The following GPLD1 variants were observed in gnomAD, a reference collection of about 807,000 sequenced individuals.
GPLD1 encodes the protein glycosylphosphatidylinositol specific phospholipase D1, also known as phosphatidylinositol-glycan-specific phospholipase D.
A neutral mutation model predicts 112.6 loss-of-function variants in GPLD1; 84 were observed. That is an observed-to-expected ratio of 0.75 (90% CI 0.63 to 0.89). The LOEUF (loss-of-function observed/expected upper bound fraction) is 0.89. GPLD1 is among the 40% of genes least tolerant of loss of function. The probability of loss-of-function intolerance (pLI) is 0.00; values close to 1 mark genes in which losing one functional copy is unlikely to be tolerated. For synonymous variants in GPLD1, 386 were observed against 403.8 expected (o/e 0.96, Z 0.53); for missense variants, 1,044 against 1,051.5 (o/e 0.99, Z 0.10).
Position 24,460,381 on chromosome 6 carries a change from A to G in GPLD1, c.906T>C (p.Asn302=), listed in dbSNP as rs765076204. 8 of 1,613,486 alleles carry G rather than the reference A, an allele frequency of 5.0e-6. No individual in the cohort carries two copies. Among genetic ancestry groups the G allele is most frequent in the Admixed American group, 1.7e-5 (1 of 59,908 alleles). Residue 302 remains asparagine (N), a synonymous_variant, in exon 12 of 25, where the codon AAT becomes AAC. Transcript: ENST00000230036. ...ATGTAGTCAAATTTCTGTGAAAATC[A>G]TTTTTCTGCATTTTTGAGCTGTTGA... The part of the protein sequence containing the change: ...NHTQGSKMQK[N]DFHRNLTTSL...
At chr6:24,443,674 T>C (rs2127326342) in intron 20 of GPLD1, among the ~76,000 whole-genome samples, 1 of 152,048 alleles carries the variant, frequency 6.6e-6, no homozygotes, top group East Asian at 1.9e-4. Flanking sequence ...CTTGTTTTTT[T>C]GTTTTTTTGT....
intron 2 of GPLD1, among the ~76,000 whole-genome samples, chr6:24,482,279 T>C (rs1764230711): frequency 7.8e-6 from 1 of 127,796 alleles, no homozygotes; most frequent in Non-Finnish European, 1.5e-5. Flanking sequence ...TTTTGTATTT[T>C]TTTTCTTTTT....
At chr6:24,449,411 G>A (rs7762901) in intron 15 of GPLD1, among the ~76,000 whole-genome samples, 33,861 of 152,070 alleles carry the variant, frequency 0.22, 3,950 homozygotes, top group Non-Finnish European at 0.25. Flanking sequence ...GGCAACAGGC[G>A]GGGATCCACC....
In GPLD1 at chr6:24,444,421, T is replaced by C. The variant is rs190751479; in HGVS notation, c.2020+1125A>G. 3.2e-4 allele frequency among the ~76,000 whole-genome samples: 48 copies of C among 152,190 alleles called. No homozygotes were observed. The East Asian group carries it at 9.3e-3, about 29-fold the overall frequency. On this transcript the variant is annotated intron_variant, in intron 20 of 24. Transcript: ENST00000230036. ...GGGGTGTTTTTTTTTTCCTTCTATA[T>C]ATTTCCTTGTATTTTCAGAAGTTTC...
intron 10 of GPLD1, 67 bp downstream of exon 10, chr6:24,466,613 A>T: frequency 7.6e-7 from 1 of 1,307,474 alleles, no homozygotes; most frequent in East Asian, 2.3e-5. Flanking sequence ...AAAACCTGAG[A>T]GTTATGTTGG....
intron 6 of GPLD1, 69 bp downstream of exon 6, chr6:24,473,550 G>A (rs557525619): frequency 2.1e-6 from 2 of 930,438 alleles, no homozygotes; most frequent in South Asian, 1.3e-5. Context: ...CATATTTAAA[G>A]CACAGTAGTG....
chr6:24,429,588 C>T (rs926965916), intron 24 of GPLD1, among the ~76,000 whole-genome samples: 2 of 152,164 alleles, frequency 1.3e-5, no homozygotes, highest in African/African-American at 4.8e-5. Flanking sequence ...TGCCCTGTCA[C>T]CCAGGCTGGA....
chr6:24,442,433 T>G (rs1202670315), intron 20 of GPLD1, among the ~76,000 whole-genome samples: 1 of 5,378 alleles, frequency 1.9e-4, no homozygotes, highest in Non-Finnish European at 7.8e-4. Context: ...TTTTTTTTTT[T>G]TTTTTTTTTT....
chr6:24,431,672 C>T (rs1371962952), intron 24 of GPLD1, among the ~76,000 whole-genome samples: 1 of 151,748 alleles, frequency 6.6e-6, no homozygotes, highest in Non-Finnish European at 1.5e-5. Flanking sequence ...ATAGCTGAGA[C>T]TATAGGCATG....
At chr6:24,473,560 G>T in intron 6 of GPLD1, 59 bp downstream of exon 6, 1 of 1,000,524 alleles carries the variant, frequency 1.0e-6, no homozygotes, top group Non-Finnish European at 1.6e-6. Context: ...GCACAGTAGT[G>T]ATGTCATTAT....
Position 24,460,407 on chromosome 6 carries a change from A to T in GPLD1, c.888-8T>A, listed in dbSNP as rs919239546. 1.9e-6 allele frequency: 3 copies of T among 1,613,234 alleles called. No individual in the cohort carries two copies. The African/African-American group carries it at 4.0e-5, about 22-fold the overall frequency. On this transcript the variant is annotated splice_polypyrimidine_tract_variant and splice_region_variant and intron_variant, in intron 11 of 24. Transcript: ENST00000230036. ...TTTTTCTGCATTTTTGAGCTGTTGA[A>T]GAGAAAGAGGAATAAACTGGTTACG...
At chr6:24,479,277 A>G (rs1005004228) in intron 3 of GPLD1, among the ~76,000 whole-genome samples, 1 of 152,134 alleles carries the variant, frequency 6.6e-6, no homozygotes. Context: ...AGTCTGTAAG[A>G]GAGAGAGTGT....
chr6:24,459,447 G>A (rs1763366786), intron 12 of GPLD1, among the ~76,000 whole-genome samples: 1 of 122,758 alleles, frequency 8.1e-6, no homozygotes, highest in Non-Finnish European at 1.9e-5. Context: ...TGTAGAGACA[G>A]GGTCTCATTA....
chr6:24,440,172 C>T (rs1762700807), intron 20 of GPLD1, among the ~76,000 whole-genome samples: 1 of 149,798 alleles, frequency 6.7e-6, no homozygotes, highest in Non-Finnish European at 1.5e-5. Context: ...AAACTATAAA[C>T]TTGCCAGGCA....
chr6:24,474,200 C>A (rs980886109), intron 5 of GPLD1, among the ~76,000 whole-genome samples: 1 of 115,226 alleles, frequency 8.7e-6, no homozygotes, highest in African/African-American at 2.7e-5. Flanking sequence ...CACACACACA[C>A]ACACACATAT....
chr6:24,480,032 T>G lies in GPLD1; in HGVS notation c.154-73A>C, dbSNP rs937972839. Reference sequence around the variant, plus strand: ...TGGGGAGTATAGGCCCCACCAATTTTCTGTGATGAGATGCTAGAAATATGG... The same window carrying G: ...TGGGGAGTATAGGCCCCACCAATTTGCTGTGATGAGATGCTAGAAATATGG... On this transcript the variant is annotated intron_variant, in intron 2 of 24. Coordinates refer to ENST00000230036, the MANE Select transcript of GPLD1 (RefSeq NM_001503.4). 4.6e-6 allele frequency: 4 copies of G among 873,360 alleles called. No individual in the cohort carries two copies. In the African/African-American group the frequency reaches 6.6e-5, roughly 14 times the overall value. 54.1% of individuals were successfully genotyped at this position (873,360 alleles called of 1,614,324 possible).
At chr6:24,464,991 G>A (rs1027592247) in intron 10 of GPLD1, among the ~76,000 whole-genome samples, 10 of 151,964 alleles carry the variant, frequency 6.6e-5, no homozygotes, top group East Asian at 3.9e-4. Flanking sequence ...TCAGGAGATC[G>A]AGACCAGCCT....
intron 24 of GPLD1, among the ~76,000 whole-genome samples, chr6:24,431,545 T>C (rs1443874518): frequency 5.9e-5 from 9 of 151,822 alleles, no homozygotes; most frequent in Non-Finnish European, 2.9e-5. Flanking sequence ...CTTTTTTTTT[T>C]TTTTTTTGAG....
At position 24,463,417 on chromosome 6, in the gene GPLD1, A is replaced by C. The variant is rs539343130; in HGVS notation, c.822-622T>G. Reference sequence around the variant, plus strand: ...TCACTGAGGGAGGCTGGGGTAATACAAAAGTAATGTGGAGTGTAGGGGTGA... The same window carrying C: ...TCACTGAGGGAGGCTGGGGTAATACCAAAGTAATGTGGAGTGTAGGGGTGA... On this transcript the variant is annotated intron_variant, in intron 10 of 24. Coordinates refer to ENST00000230036, the MANE Select transcript of GPLD1 (RefSeq NM_001503.4). Among the ~76,000 whole-genome samples the C allele has an allele frequency of 4.6e-5, 7 of 152,340 alleles. No homozygotes were observed. The South Asian group carries it at 1.0e-3, about 23-fold the overall frequency.
Sources: allele counts gnomAD v4.1 joint callset (sites outside exome capture counted in the v4.1 genomes callset), GRCh38; gene constraint gnomAD v4.1.1; transcripts MANE v1.5; gene names NCBI Gene and HGNC (gene_info 2026-07-23, HGNC 2026-07-21).